The following SLC1A1 variants were observed in gnomAD, a reference collection of about 807,000 sequenced individuals.
The protein encoded by SLC1A1 is solute carrier family 1 member 1.
In SLC1A1, 43 loss-of-function variants were observed where a neutral mutation model predicts 53.3. The observed-to-expected ratio is 0.81, with a 90% CI of 0.63 to 1.04. The LOEUF (loss-of-function observed/expected upper bound fraction) is 1.04, where lower values mean the gene tolerates loss of function less well. Ranked by LOEUF, SLC1A1 falls within the 50% of genes least tolerant of loss-of-function variation. The probability of loss-of-function intolerance (pLI) is 0.00; values close to 1 mark genes in which losing one functional copy is unlikely to be tolerated. For missense variants in SLC1A1, 748 were observed against 664.9 expected (o/e 1.12, Z -1.37); for synonymous variants, 307 against 243.2 (o/e 1.26, Z -2.44).
chr9:4,528,700 G>A (rs1361459950), intron 1 of SLC1A1, among the ~76,000 whole-genome samples: 1 of 152,156 alleles, frequency 6.6e-6, no homozygotes, highest in East Asian at 1.9e-4. Context: ...GATACCAGAG[G>A]TTTGATAAAT....
intron 1 of SLC1A1, among the ~76,000 whole-genome samples, chr9:4,516,451 C>T (rs1821163847): frequency 6.6e-6 from 1 of 152,174 alleles, no homozygotes; most frequent in South Asian, 2.1e-4. Flanking sequence ...CTCCCTTTTA[C>T]CCAAAGTCTG....
At position 4,576,704 on chromosome 9, in the gene SLC1A1, G is replaced by A. The variant is rs570228124; in HGVS notation, c.1134G>A (p.Ala378=). Residue 378 remains alanine (A), a synonymous_variant, in exon 10 of 12, where the codon GCG becomes GCA. Transcript: ENST00000262352. The part of the protein sequence containing the change: ...DGTALYEAVA[A]VFIAQLNDLD... The stretch of plus-strand genomic sequence containing the variant: ...CTGCGCTCTATGAAGCAGTGGCAGC[G>A]GTGTTTATTGCACAGTTGAATGACC... 2.4e-5 allele frequency: 38 copies of A among 1,614,180 alleles called. No individual in the cohort carries two copies. The highest frequency in any genetic ancestry group is 1.3e-4 in the Admixed American group (8 of 60,022).
At chr9:4,582,352 A>G (rs1208289437) in intron 10 of SLC1A1, among the ~76,000 whole-genome samples, 2 of 152,362 alleles carry the variant, frequency 1.3e-5, no homozygotes, top group Non-Finnish European at 2.9e-5. Context: ...AGGAGCAGTC[A>G]GGAGTAAATG....
chr9:4,555,623 CG>C (rs1449976890), intron 2 of SLC1A1, among the ~76,000 whole-genome samples: 2 of 152,162 alleles, frequency 1.3e-5, no homozygotes, highest in African/African-American at 4.8e-5. Context: ...CAAGGACAAC[CG>C]GGGATTTTAT....
At chr9:4,576,240 C>G (rs1169314922) in intron 9 of SLC1A1, 117 bp downstream of exon 9, 3 of 976,486 alleles carry the variant, frequency 3.1e-6, no homozygotes, top group African/African-American at 3.2e-5. Flanking sequence ...GAGAAATGAC[C>G]TCCGTATTCT....
At chr9:4,507,644 A>G (rs1255616055) in intron 1 of SLC1A1, among the ~76,000 whole-genome samples, 1 of 152,172 alleles carries the variant, frequency 6.6e-6, no homozygotes, top group African/African-American at 2.4e-5. Flanking sequence ...TCAAGATGAC[A>G]CAAGTTTTGT....
At chr9:4,578,140 A>G (rs902100637) in intron 10 of SLC1A1, among the ~76,000 whole-genome samples, 1 of 152,240 alleles carries the variant, frequency 6.6e-6, no homozygotes, top group Non-Finnish European at 1.5e-5. Context: ...ATATGCAATG[A>G]GAAATATAGG....
At chr9:4,537,484 G>A (rs1452512736) in intron 1 of SLC1A1, among the ~76,000 whole-genome samples, 1 of 100,068 alleles carries the variant, frequency 1.0e-5, no homozygotes, top group Non-Finnish European at 2.2e-5. Flanking sequence ...GCGTGAACCC[G>A]GGAAGCGGAG....
At chr9:4,513,615 G>A (rs780370086) in intron 1 of SLC1A1, among the ~76,000 whole-genome samples, 1 of 152,074 alleles carries the variant, frequency 6.6e-6, no homozygotes, top group Middle Eastern at 3.2e-3. Flanking sequence ...ATATAAAATG[G>A]TACAGCCACT....
At chr9:4,502,787 G>A (rs1820680682) in intron 1 of SLC1A1, among the ~76,000 whole-genome samples, 2 of 151,772 alleles carry the variant, frequency 1.3e-5, no homozygotes, top group Non-Finnish European at 2.9e-5. Flanking sequence ...CTTGGAGACA[G>A]GCTTCTTTCT....
intron 1 of SLC1A1, among the ~76,000 whole-genome samples, chr9:4,533,322 T>A (rs866927498): frequency 2.0e-4 from 31 of 152,274 alleles, no homozygotes; most frequent in African/African-American, 6.7e-4. Flanking sequence ...GAAACCCATC[T>A]CATGGGCAGA....
At chr9:4,582,968 C>A in intron 10 of SLC1A1, 70 bp from the exon 11 acceptor site, 1 of 1,598,078 alleles carries the variant, frequency 6.3e-7, no homozygotes, top group Non-Finnish European at 8.6e-7. Flanking sequence ...GCGGGAGTAA[C>A]CATTTCAGGC....
intron 3 of SLC1A1, among the ~76,000 whole-genome samples, chr9:4,563,393 A>G (rs938475715): frequency 5.9e-5 from 9 of 152,316 alleles, no homozygotes; most frequent in South Asian, 4.1e-4. Context: ...ATGAGAATCA[A>G]GATACTGCTC....
At chr9:4,547,839 C>G (rs1396520508) in intron 2 of SLC1A1, among the ~76,000 whole-genome samples, 3 of 150,308 alleles carry the variant, frequency 2.0e-5, no homozygotes, top group Non-Finnish European at 4.4e-5. Context: ...AATTTTCATA[C>G]TAAGCAACTA....
intron 2 of SLC1A1, among the ~76,000 whole-genome samples, chr9:4,545,349 G>C (rs1382690679): frequency 6.6e-6 from 1 of 152,124 alleles, no homozygotes; most frequent in Non-Finnish European, 1.5e-5. Context: ...CATTTGACCA[G>C]CATGTGATGT....
chr9:4,564,002 C>T (rs911425605), intron 3 of SLC1A1, among the ~76,000 whole-genome samples: 1 of 152,110 alleles, frequency 6.6e-6, no homozygotes, highest in African/African-American at 2.4e-5. Context: ...CCTTCCTAGG[C>T]TGGTCTCATA....
intron 3 of SLC1A1, among the ~76,000 whole-genome samples, chr9:4,562,703 T>G (rs1819072830): frequency 6.6e-6 from 1 of 152,136 alleles, no homozygotes; most frequent in South Asian, 2.1e-4. Context: ...TTACTGAGAA[T>G]GATGATTTCC....
In SLC1A1 at chr9:4,583,318, T is replaced by C; in HGVS notation, c.1328+146T>C. The stretch of plus-strand genomic sequence containing the variant: ...TTAATTTTCCTCTGACCAGGCCATC[T>C]GATAACATGCCTAAAAATTAACTCC... On this transcript the variant is annotated intron_variant, in intron 11 of 11. Coordinates refer to ENST00000262352, the MANE Select transcript of SLC1A1 (RefSeq NM_004170.6). This position sits in a 1 kb window ranked among gnomAD's most constrained non-coding sequence, Gnocchi z 4.6. 1 of 1,012,992 alleles carries C rather than the reference T, an allele frequency of 9.9e-7. No homozygotes were observed. Among genetic ancestry groups the C allele is most frequent in the South Asian group, 1.3e-5 (1 of 76,888 alleles). The allele number at this position is 1,012,992 out of a possible 1,614,324, so 62.8% of individuals were successfully genotyped here.
intron 6 of SLC1A1, 96 bp downstream of exon 6, chr9:4,567,863 G>A (rs911923953): frequency 2.1e-5 from 18 of 857,860 alleles, no homozygotes; most frequent in Admixed American, 3.9e-5. Flanking sequence ...TCACAGAATC[G>A]CATTTGCAAA....
Sources: gnomAD v4.1 joint callset for allele counts (sites outside exome capture counted in the v4.1 genomes callset) on GRCh38, gnomAD v4.1.1 for gene constraint, Gnocchi (gnomAD v3.1) non-coding constraint, MANE v1.5 for transcripts, NCBI Gene and HGNC (gene_info 2026-07-23, HGNC 2026-07-21) for gene names.